The following USP45 variants were observed in gnomAD, a reference collection of about 807,000 sequenced individuals.
USP45 encodes the protein ubiquitin carboxyl-terminal hydrolase 45.
A neutral mutation model predicts 95.8 loss-of-function variants in USP45; 89 were observed. The observed-to-expected ratio is 0.93, with a 90% confidence interval of 0.78 to 1.11. The LOEUF (loss-of-function observed/expected upper bound fraction) is 1.11. Ranked by LOEUF, USP45 falls within the 50% of genes least tolerant of loss-of-function variation. USP45 has a pLI of 0.00. For missense variants in USP45, 898 were observed against 942.5 expected (o/e 0.95, Z 0.62); for synonymous variants, 281 against 316.2 (o/e 0.89, Z 1.18).
chr6:99,512,647 T>G (rs1454005182), intron 1 of USP45, among the ~76,000 whole-genome samples: 1 of 152,208 alleles, frequency 6.6e-6, no homozygotes, highest in Non-Finnish European at 1.5e-5. Flanking sequence ...ATTCCAAATC[T>G]TGATTTATTC....
At chr6:99,514,107 T>A (rs572878665) in intron 1 of USP45, among the ~76,000 whole-genome samples, 1 of 152,314 alleles carries the variant, frequency 6.6e-6, no homozygotes, top group African/African-American at 2.4e-5. Context: ...AGAGCTTTGA[T>A]AGGATGCACG....
chr6:99,437,329 T>C lies in USP45; in HGVS notation c.2231A>G (p.Glu744Gly), dbSNP rs553564765. The change falls in exon 17 of 18, where the codon GAA becomes GGA. Residue 744 changes from glutamate (E) to glycine (G), a missense_variant. Physicochemically the swap from Glu to Gly is moderately conservative, Grantham distance 98. Coordinates refer to ENST00000500704, the MANE Select transcript of USP45 (RefSeq NM_001346022.3). The part of the protein sequence containing the change: ...GIVEHSGSMR[E>G]GHYTAYVKVR... ...TTTCACATAAGCAGTGTAGTGGCCT[T>C]CTCTCATCGAGCCACTATGTTCCAC... is the stretch of plus-strand genomic sequence containing the variant. 1.9e-6 allele frequency: 3 copies of C among 1,613,850 alleles called. No homozygotes were observed. The highest frequency in any genetic ancestry group is 1.3e-5 in the African/African-American group (1 of 75,036).
intron 1 of USP45, among the ~76,000 whole-genome samples, chr6:99,510,775 G>T (rs533067818): frequency 6.6e-6 from 1 of 152,248 alleles, no homozygotes; most frequent in Non-Finnish European, 1.5e-5. Flanking sequence ...ATAATAATTT[G>T]CTATACCAGG....
Position 99,486,370 on chromosome 6 carries a change from T to C in USP45, c.714+1830A>G, listed in dbSNP as rs188642620. On this transcript the variant is annotated intron_variant, in intron 7 of 17. Coordinates refer to ENST00000500704, the MANE Select transcript of USP45 (RefSeq NM_001346022.3). ...AGTAATCCTGAAACACAGCTCTGCA[T>C]GTCAAATATTTAAACTCAACATCCA... Among the ~76,000 whole-genome samples the C allele has an allele frequency of 3.2e-3, 486 of 152,284 alleles. 2 individuals carry two copies. Among genetic ancestry groups the C allele is most frequent in the Non-Finnish European group, 4.3e-3 (295 of 68,030 alleles).
At chr6:99,487,975 G>C (rs1218997565) in intron 7 of USP45, among the ~76,000 whole-genome samples, 5 of 152,130 alleles carry the variant, frequency 3.3e-5, no homozygotes, top group Non-Finnish European at 5.9e-5. Context: ...AAGCTGCCTT[G>C]ATATCTTTTT....
intron 15 of USP45, 102 bp downstream of exon 15, chr6:99,443,463 C>A: frequency 1.5e-6 from 1 of 677,420 alleles, no homozygotes; most frequent in South Asian, 3.1e-5. Flanking sequence ...TTTTAAAATG[C>A]AATAAGTTAC....
chr6:99,501,680 G>C (rs2128777738), intron 5 of USP45: 1 of 166,618 alleles, frequency 6.0e-6, no homozygotes, highest in South Asian at 1.7e-4. Context: ...TACCTGGCAT[G>C]TGGGAAGCAC....
chr6:99,432,515 A>G lies in USP45; in HGVS notation c.*3201T>C, dbSNP rs1453129846. On this transcript the variant is annotated 3_prime_UTR_variant, in exon 18 of 18. Transcript: ENST00000500704. ...CAAAATAACGCTCAATAAGTTACAC[A>G]GCTGTTTTCTAGAAACATGGCAAAA... The G allele has an allele frequency of 1.3e-5, 2 of 152,208 alleles. No homozygotes were observed. Among genetic ancestry groups the G allele is most frequent in the Non-Finnish European group, 2.9e-5 (2 of 68,038 alleles). The allele number at this position is 152,208 out of a possible 1,614,324, so 9.4% of individuals were successfully genotyped here.
At chr6:99,471,339 A>G (rs1789354941) in intron 9 of USP45, among the ~76,000 whole-genome samples, 1 of 151,940 alleles carries the variant, frequency 6.6e-6, no homozygotes, top group African/African-American at 2.4e-5. Flanking sequence ...TTAATCAATT[A>G]GCAGTATCAA....
chr6:99,442,886 T>TATA (rs1196403732), intron 15 of USP45, among the ~76,000 whole-genome samples: 7 of 151,978 alleles, frequency 4.6e-5, no homozygotes, highest in Non-Finnish European at 8.8e-5. Flanking sequence ...CTCCTTGTTT[T>TATA]CTTGATAATT....
At chr6:99,493,395 T>C (rs1046051108) in intron 5 of USP45, among the ~76,000 whole-genome samples, 7 of 152,252 alleles carry the variant, frequency 4.6e-5, no homozygotes, top group Admixed American at 6.5e-5. Flanking sequence ...TTGTTGTGCA[T>C]GTGTTTACTA....
chr6:99,493,907 A>T (rs1348604458), intron 5 of USP45, among the ~76,000 whole-genome samples: 4 of 152,254 alleles, frequency 2.6e-5, no homozygotes, highest in African/African-American at 9.6e-5. Flanking sequence ...CAAACATTTT[A>T]GATGATATTA....
intron 1 of USP45, among the ~76,000 whole-genome samples, chr6:99,511,886 T>TATATAC (rs1554258042): frequency 2.1e-5 from 3 of 142,520 alleles, no homozygotes; most frequent in Non-Finnish European, 4.6e-5. Context: ...TATATATATA[T>TATATAC]ACACATAGTT....
intron 3 of USP45, among the ~76,000 whole-genome samples, chr6:99,508,177 A>T (rs1266862672): frequency 7.8e-6 from 1 of 128,358 alleles, no homozygotes; most frequent in East Asian, 2.4e-4. Context: ...TTTTTTTAAA[A>T]AAGTATATAC....
chr6:99,479,066 G>A (rs554256657), intron 8 of USP45, among the ~76,000 whole-genome samples: 2 of 151,418 alleles, frequency 1.3e-5, no homozygotes, highest in Non-Finnish European at 2.9e-5. Flanking sequence ...TTAGGGGAGA[G>A]GTTCTAGAGA....
At chr6:99,507,973 G>A (rs1018619153) in intron 3 of USP45, among the ~76,000 whole-genome samples, 1 of 152,214 alleles carries the variant, frequency 6.6e-6, no homozygotes, top group African/African-American at 2.4e-5. Context: ...ATGAGGGGAA[G>A]TCAAATCCGC....
At chr6:99,439,424 A>G (rs1445778174) in intron 16 of USP45, among the ~76,000 whole-genome samples, 1 of 152,230 alleles carries the variant, frequency 6.6e-6, no homozygotes, top group Non-Finnish European at 1.5e-5. Context: ...GAACTCCGCA[A>G]ATGGTAAAAC....
In USP45 at chr6:99,507,416, A is replaced by C. The variant is rs1236042129; in HGVS notation, c.377+12T>G. 6.4e-7 allele frequency: 1 copy of C among 1,567,814 alleles called. No individual in the cohort carries two copies. The highest frequency in any genetic ancestry group is 1.2e-5 in the South Asian group (1 of 83,886). On this transcript the variant is annotated intron_variant, in intron 4 of 17. Transcript: ENST00000500704. Reference sequence around the variant, plus strand: ...GGTTAGTGGACACAAGAACTAACAAAATTTAACTTACCATATAATCCATGT... The same window carrying C: ...GGTTAGTGGACACAAGAACTAACAACATTTAACTTACCATATAATCCATGT...
Position 99,482,501 on chromosome 6 carries a change from C to CA in USP45, c.845+251dup. On this transcript the variant is annotated intron_variant, in intron 8 of 17. Transcript: ENST00000500704. Reference sequence around the variant, plus strand: ...TCAGGACAGATCTCCATTTGATTCTCAGCTTTTCACTCAGACTAGGTGAGC... The same window carrying CA: ...TCAGGACAGATCTCCATTTGATTCTCAAGCTTTTCACTCAGACTAGGTGAGC... 3 of 371,742 alleles carry CA rather than the reference C, an allele frequency of 8.1e-6. No homozygotes were observed. The Admixed American group carries it at 1.4e-4, about 17-fold the overall frequency. The allele number at this position is 371,742 out of a possible 1,614,324, so 23.0% of individuals were successfully genotyped here. A position where few individuals can be genotyped will look rare whatever the true frequency, so the allele number is the denominator to read the frequency against.
Sources: allele counts gnomAD v4.1 joint callset (sites outside exome capture counted in the v4.1 genomes callset), GRCh38; gene constraint gnomAD v4.1.1; transcripts MANE v1.5; gene names NCBI Gene and HGNC (gene_info 2026-07-23, HGNC 2026-07-21).